DNAH6: variants seen among roughly 807,000 people sequenced by gnomAD.
The protein encoded by DNAH6 is axonemal beta dynein heavy chain 6.
DNAH6 carries 340 observed loss-of-function variants against 491.4 expected under a neutral mutation model. The observed-to-expected ratio is 0.69, with a 90% CI of 0.63 to 0.76. The LOEUF (loss-of-function observed/expected upper bound fraction) is 0.76. Among genes scored for constraint, DNAH6 ranks in the 30% least tolerant of loss-of-function variants. DNAH6 has a pLI of 0.00. For missense variants in DNAH6, 4,443 were observed against 4,972.2 expected (o/e 0.89, Z 3.20); for synonymous variants, 1,603 against 1,686.1 (o/e 0.95, Z 1.21).
intron 54 of DNAH6, 34 bp from the exon 55 acceptor site, chr2:84,709,309 G>A (rs1448914100): frequency 6.5e-7 from 1 of 1,548,822 alleles, no homozygotes; most frequent in East Asian, 2.4e-5. Context: ...GAGTGTTCCT[G>A]ACTCTACTCA....
At chr2:84,651,953 C>T (rs78465315) in intron 33 of DNAH6, among the ~76,000 whole-genome samples, 1 of 144,690 alleles carries the variant, frequency 6.9e-6, no homozygotes, top group African/African-American at 2.5e-5. Context: ...ATGCATGAGT[C>T]TTTTTTTTTT....
intron 49 of DNAH6, among the ~76,000 whole-genome samples, chr2:84,701,660 G>A (rs1026916420): frequency 6.6e-6 from 1 of 152,116 alleles, no homozygotes; most frequent in South Asian, 2.1e-4. Context: ...GAGAGAGAGG[G>A]GGGTGGTGCC....
At chr2:84,502,442 G>T in the DNAH6 span, among the ~76,000 whole-genome samples, 1 of 151,966 alleles carries the variant, frequency 6.6e-6, no homozygotes, top group South Asian at 2.1e-4. Context: ...CTAACATATC[G>T]GCTTTCCCTG....
Position 84,710,335 on chromosome 2 carries a change from A to G in DNAH6, c.9301A>G (p.Ile3101Val). Residue 3101 changes from isoleucine to valine, a missense_variant, in exon 56 of 77, where the codon ATT (isoleucine) becomes GTT (valine). Ile to Val is a conservative substitution (Grantham distance 29). Around this residue, in one of 3 missense-constraint regions of DNAH6, gnomAD observed 1,463 missense variants for 1,656.6 expected, o/e 0.88. Coordinates refer to ENST00000389394, the MANE Select transcript of DNAH6 (RefSeq NM_001370.2). ...GGAAAGCAAAAGTGGTTTAAAGATC[A>G]TTAAGCTTACAGATAGTAATTTCTT... ...NKESKSGLKIIKLTDSNFLRI... is the reference protein window; with the variant it reads ...NKESKSGLKIVKLTDSNFLRI... 2 of 1,551,742 alleles carry G rather than the reference A, an allele frequency of 1.3e-6. No homozygotes were observed. Among genetic ancestry groups the G allele is most frequent in the Non-Finnish European group, 1.7e-6 (2 of 1,146,976 alleles).
In DNAH6 at chr2:84,614,925, T is replaced by C. The variant is rs548221950; in HGVS notation, c.3476-1961T>C. The stretch of plus-strand genomic sequence containing the variant: ...CCTTGCAGATTCTGGCTATTAGTCC[T>C]TTGCCAGATGTACAGATTCTGAAGA... On this transcript the variant is annotated intron_variant, in intron 22 of 76. Coordinates refer to ENST00000389394, the MANE Select transcript of DNAH6 (RefSeq NM_001370.2). 5.3e-5 allele frequency among the ~76,000 whole-genome samples: 8 copies of C among 152,258 alleles called. No homozygotes were observed. In the East Asian group the frequency reaches 1.5e-3, roughly 29 times the overall value.
chr2:84,778,244 G>A (rs954260445), intron 64 of DNAH6: 3 of 625,482 alleles, frequency 4.8e-6, no homozygotes, highest in African/African-American at 3.7e-5. Context: ...GAACCAAAAG[G>A]AATCAGGAAT....
intron 2 of DNAH6, 140 bp from the exon 3 acceptor site, chr2:84,525,425 C>A: frequency 1.3e-6 from 1 of 788,396 alleles, no homozygotes; most frequent in Non-Finnish European, 2.0e-6. Context: ...TGGTAGTTAA[C>A]TATTAGGACT....
chr2:84,481,697 C>T, the DNAH6 span, among the ~76,000 whole-genome samples: 19 of 152,292 alleles, frequency 1.2e-4, no homozygotes, highest in South Asian at 3.9e-3. Flanking sequence ...CCTCTATCCC[C>T]ATTTGTGCCT....
chr2:84,547,443 A>G (rs1558692741), intron 6 of DNAH6, 41 bp downstream of exon 6: 2 of 1,551,194 alleles, frequency 1.3e-6, no homozygotes, highest in Non-Finnish European at 1.7e-6. Flanking sequence ...TTTTTTCCCT[A>G]TTTTTGATAC....
At chr2:84,687,891 CAT>C (rs1694435602) in intron 44 of DNAH6, among the ~76,000 whole-genome samples, 1 of 152,150 alleles carries the variant, frequency 6.6e-6, no homozygotes, top group East Asian at 1.9e-4. Flanking sequence ...GTCTGCCATG[CAT>C]AGTTTTTAAC....
At position 84,605,506 on chromosome 2, in the gene DNAH6, G is replaced by A. The variant is rs770144439; in HGVS notation, c.3088G>A (p.Asp1030Asn). 1.4e-5 allele frequency: 22 copies of A among 1,550,072 alleles called. No individual in the cohort carries two copies. The African/African-American group carries it at 2.6e-4, about 18-fold the overall frequency. Residue 1030 changes from aspartate (D) to asparagine (N), a missense_variant, in exon 20 of 77, where the codon GAC becomes AAC. Physicochemically the swap from Asp to Asn is conservative, Grantham distance 23. Coordinates refer to ENST00000389394, the MANE Select transcript of DNAH6 (RefSeq NM_001370.2). ...GGCTTGAATTATTTCTAAGGTGGAG[G>A]ACTCTTGGAAAACAACTGAATTTGT... ...ALEAILKKVE[D>N]SWKTTEFVIL...
intron 38 of DNAH6, 98 bp downstream of exon 38, chr2:84,669,608 AT>A: frequency 9.1e-7 from 1 of 1,099,616 alleles, no homozygotes; most frequent in African/African-American, 1.6e-5. Flanking sequence ...TCTGAGAGGA[AT>A]TTTGTTTAGC....
At chr2:84,605,774 C>G (rs1228429483) in intron 20 of DNAH6, among the ~76,000 whole-genome samples, 182 bp downstream of exon 20, 1 of 152,116 alleles carries the variant, frequency 6.6e-6, no homozygotes, top group Non-Finnish European at 1.5e-5. Flanking sequence ...AAATATTTAA[C>G]AAAGCATTAA....
intron 75 of DNAH6, among the ~76,000 whole-genome samples, chr2:84,814,461 C>T (rs940902862): frequency 6.6e-6 from 1 of 152,154 alleles, no homozygotes; most frequent in Admixed American, 6.5e-5. Flanking sequence ...CTGACACTAC[C>T]TTTCACCAGC....
chr2:84,743,867 G>A (rs1299009206), intron 62 of DNAH6, among the ~76,000 whole-genome samples: 1 of 152,110 alleles, frequency 6.6e-6, no homozygotes, highest in African/African-American at 2.4e-5. Flanking sequence ...ATCTTCTAAT[G>A]CATATTTTAT....
intron 50 of DNAH6, 49 bp downstream of exon 50, chr2:84,703,611 A>T: frequency 1.4e-6 from 2 of 1,464,416 alleles, no homozygotes; most frequent in Non-Finnish European, 1.8e-6. Flanking sequence ...TCAGCAACTG[A>T]TCACTTATAT....
chr2:84,469,879 C>T, the DNAH6 span, among the ~76,000 whole-genome samples: 5 of 152,162 alleles, frequency 3.3e-5, no homozygotes, highest in Non-Finnish European at 7.4e-5. This position sits in a 1 kb window ranked among gnomAD's most constrained non-coding sequence, Gnocchi z 4.0. Context: ...CAAATGGGGC[C>T]TCTAACCCCC....
chr2:84,715,156 A>C (rs1368583355), intron 57 of DNAH6, among the ~76,000 whole-genome samples: 1 of 152,130 alleles, frequency 6.6e-6, no homozygotes, highest in Non-Finnish European at 1.5e-5. Flanking sequence ...AGTTTTTACT[A>C]TAATTATCCA....
chr2:84,493,824 G>T, the DNAH6 span, among the ~76,000 whole-genome samples: 1 of 152,196 alleles, frequency 6.6e-6, no homozygotes, highest in Admixed American at 6.5e-5. Context: ...GGGGTGAGAT[G>T]CTGATATCAA....
Sources: allele counts gnomAD v4.1 joint callset (sites outside exome capture counted in the v4.1 genomes callset), GRCh38; gene constraint gnomAD v4.1.1; regional missense constraint gnomAD v4.1.1; non-coding constraint Gnocchi (gnomAD v3.1); transcripts MANE v1.5; gene names NCBI Gene and HGNC (gene_info 2026-07-23, HGNC 2026-07-21).